Variants in RSRC1 observed in about 807,000 individuals in gnomAD.
RSRC1 encodes the protein serine/Arginine-related protein 53.
RSRC1 carries 39 observed loss-of-function variants against 49.1 expected under a neutral mutation model. That is an observed-to-expected ratio of 0.79 (90% confidence interval 0.61 to 1.04). RSRC1 has a LOEUF of 1.04. RSRC1 is among the 50% of genes least tolerant of loss of function. The probability of loss-of-function intolerance (pLI) is 0.00; values close to 1 mark genes in which losing one functional copy is unlikely to be tolerated. For synonymous variants in RSRC1, 143 were observed against 130.8 expected (o/e 1.09, Z -0.63); for missense variants, 388 against 402.4 (o/e 0.96, Z 0.31).
chr3:158,362,740 C>G (rs1270854537), intron 6 of RSRC1, among the ~76,000 whole-genome samples: 2 of 152,182 alleles, frequency 1.3e-5, no homozygotes, highest in East Asian at 3.8e-4. Context: ...CTTTGTTTGT[C>G]TTGATAGCCC....
At chr3:158,306,971 G>A (rs1019813963) in intron 5 of RSRC1, among the ~76,000 whole-genome samples, 2 of 122,528 alleles carry the variant, frequency 1.6e-5, no homozygotes, top group Non-Finnish European at 3.4e-5. Context: ...ATATTGTTTA[G>A]TAAGTTATCA....
intron 6 of RSRC1, among the ~76,000 whole-genome samples, chr3:158,419,548 A>G (rs1254771854): frequency 3.3e-5 from 5 of 151,958 alleles, no homozygotes; most frequent in Admixed American, 3.3e-4. Flanking sequence ...TAATGACAAT[A>G]AGGTTTGTAG....
intron 4 of RSRC1, among the ~76,000 whole-genome samples, chr3:158,213,467 A>G (rs943946824): frequency 6.6e-6 from 1 of 150,808 alleles, no homozygotes; most frequent in Non-Finnish European, 1.5e-5. Flanking sequence ...CTACAGGAAG[A>G]TAAGGATAAA....
At chr3:158,353,792 TG>T in intron 5 of RSRC1, among the ~76,000 whole-genome samples, 1 of 130,830 alleles carries the variant, frequency 7.6e-6, no homozygotes, top group African/African-American at 2.9e-5. Context: ...TATATAAAAC[TG>T]GGGTTATTTT....
chr3:158,441,598 T>C (rs929669048), intron 6 of RSRC1, among the ~76,000 whole-genome samples: 15 of 152,234 alleles, frequency 9.9e-5, no homozygotes, highest in Non-Finnish European at 2.1e-4. Flanking sequence ...CTTCTGTTAT[T>C]CTCAAGTAAT....
In RSRC1 at chr3:158,254,102, T is replaced by C. The variant is rs895313157; in HGVS notation, c.495-43937T>C. Among the ~76,000 whole-genome samples the C allele has an allele frequency of 2.9e-4, 44 of 152,302 alleles. 1 individual carries two copies. The highest frequency in any genetic ancestry group is 1.0e-3 in the African/African-American group (42 of 41,564). ...CCTGCAAAGGACATGAACTCATCCTTTTTTATGGCTGCATAGTATTCCATG... is the reference window on the plus strand; with the variant it reads ...CCTGCAAAGGACATGAACTCATCCTCTTTTATGGCTGCATAGTATTCCATG... On this transcript the variant is annotated intron_variant, in intron 4 of 9. Coordinates refer to ENST00000611884, the MANE Select transcript of RSRC1 (RefSeq NM_001271838.2).
chr3:158,299,101 T>C (rs1355085203), intron 5 of RSRC1, among the ~76,000 whole-genome samples: 2 of 152,230 alleles, frequency 1.3e-5, no homozygotes, highest in South Asian at 4.1e-4. Flanking sequence ...GCTATGTATT[T>C]GGGGATCAGA....
chr3:158,357,183 T>G (rs1731205668), intron 6 of RSRC1, among the ~76,000 whole-genome samples: 1 of 152,294 alleles, frequency 6.6e-6, no homozygotes, highest in African/African-American at 2.4e-5. Flanking sequence ...ATGAACACCC[T>G]CTTATACATT....
At chr3:158,518,091 CGTGCGT>C (rs1192604294) in intron 7 of RSRC1, among the ~76,000 whole-genome samples, 25 of 80,914 alleles carry the variant, frequency 3.1e-4, no homozygotes, top group African/African-American at 9.3e-4. Context: ...TACGTAAGTG[CGTGCGT>C]GTGTGTGTGT....
At chr3:158,181,091 A>C (rs1198830954) in intron 3 of RSRC1, among the ~76,000 whole-genome samples, 2 of 152,164 alleles carry the variant, frequency 1.3e-5, no homozygotes, top group African/African-American at 4.8e-5. Context: ...GGCGTGAGCC[A>C]CCGCCCCTGG....
rs540889391 is a variant in RSRC1, at chr3:158,398,442, AGAAGGGGTT to A, written c.583+43543_583+43551del. Among the ~76,000 whole-genome samples the A allele has an allele frequency of 5.3e-5, 8 of 152,190 alleles. No individual in the cohort carries two copies. The East Asian group carries it at 1.2e-3, about 22-fold the overall frequency. Reference sequence around the variant, plus strand: ...ACTTTGCACACTGCAGCTTCACCGTAGAAGGGGTTGAAGGGGTCTAGCTAGTTCACTGTA... The same window carrying A: ...ACTTTGCACACTGCAGCTTCACCGTAGAAGGGGTCTAGCTAGTTCACTGTA... On this transcript the variant is annotated intron_variant, in intron 6 of 9. Transcript: ENST00000611884.
At chr3:158,514,547 A>C (rs1740386871) in intron 7 of RSRC1, among the ~76,000 whole-genome samples, 1 of 152,038 alleles carries the variant, frequency 6.6e-6, no homozygotes, top group South Asian at 2.1e-4. Context: ...GTATGTGGTC[A>C]ATTTTGGAAT....
chr3:158,342,100 G>A (rs1333813300), intron 5 of RSRC1, among the ~76,000 whole-genome samples: 1 of 152,170 alleles, frequency 6.6e-6, no homozygotes, highest in East Asian at 1.9e-4. Context: ...AGGCTTATAG[G>A]CGGAAGGAAT....
intron 5 of RSRC1, among the ~76,000 whole-genome samples, chr3:158,344,100 TA>T (rs922272481): frequency 6.6e-5 from 10 of 151,784 alleles, no homozygotes; most frequent in African/African-American, 2.4e-4. Flanking sequence ...CTCTACAAAA[TA>T]TAAAAAAATT....
intron 4 of RSRC1, among the ~76,000 whole-genome samples, chr3:158,216,829 G>A (rs1721970756): frequency 6.6e-6 from 1 of 151,366 alleles, no homozygotes; most frequent in Admixed American, 6.6e-5. Flanking sequence ...TCTTTATTTT[G>A]AACTAAGTAA....
At chr3:158,337,183 C>A (rs947377084) in intron 5 of RSRC1, among the ~76,000 whole-genome samples, 2 of 152,170 alleles carry the variant, frequency 1.3e-5, no homozygotes, top group African/African-American at 4.8e-5. Flanking sequence ...CCGCTTCCCA[C>A]GCGGAGAGCG....
At chr3:158,276,277 A>G (rs867603241) in intron 4 of RSRC1, 1 of 765,056 alleles carries the variant, frequency 1.3e-6, no homozygotes. Flanking sequence ...CCCAGTCTGC[A>G]CAATTTATCA....
chr3:158,515,305 ATC>A (rs1475868835), intron 7 of RSRC1, among the ~76,000 whole-genome samples: 2 of 148,560 alleles, frequency 1.3e-5, no homozygotes, highest in Non-Finnish European at 3.0e-5. Context: ...TGGTGACAAA[ATC>A]TCTCAGCATT....
chr3:158,195,248 G>C (rs1196852570), intron 3 of RSRC1, among the ~76,000 whole-genome samples: 9 of 152,124 alleles, frequency 5.9e-5, no homozygotes, highest in Non-Finnish European at 4.4e-5. Context: ...CTGATGGCCA[G>C]TGATGATGAG....
Sources: allele counts gnomAD v4.1 joint callset (sites outside exome capture counted in the v4.1 genomes callset), GRCh38; gene constraint gnomAD v4.1.1; transcripts MANE v1.5; gene names NCBI Gene and HGNC (gene_info 2026-07-23, HGNC 2026-07-21).